The following PIK3CD variants were observed in gnomAD, a reference collection of about 807,000 sequenced individuals.
PIK3CD encodes phosphatidylinositol-4,5-bisphosphate 3-kinase catalytic subunit delta, also known as phosphatidylinositol 4,5-bisphosphate 3-kinase catalytic subunit delta isoform.
A neutral mutation model predicts 122.9 loss-of-function variants in PIK3CD; 20 were observed. The observed-to-expected ratio is 0.16, with a 90% CI of 0.11 to 0.24. The LOEUF (loss-of-function observed/expected upper bound fraction) is 0.24, where lower values mean the gene tolerates loss of function less well. Among genes scored for constraint, PIK3CD ranks in the 10% least tolerant of loss-of-function variants. The probability of loss-of-function intolerance (pLI) is 1.00; values close to 1 mark genes in which losing one functional copy is unlikely to be tolerated. For missense variants in PIK3CD, 787 were observed against 1,406.3 expected, an observed-to-expected ratio of 0.56 and a Z score of 7.04; for synonymous variants, 596 against 593.4, an observed-to-expected ratio of 1.00 and a Z score of -0.06.
chr1:9,722,271 C>T lies in PIK3CD; in HGVS notation c.2262C>T (p.Ser754=). The part of the protein sequence containing the change: ...VCVEQCTFMD[S]KMKPLWIMYS... ...TGGAGCAGTGCACCTTCATGGACTCCAAGATGAAGCCCCTGTGGATCATGT... is the reference window on the plus strand; with the variant it reads ...TGGAGCAGTGCACCTTCATGGACTCTAAGATGAAGCCCCTGTGGATCATGT... The change falls in exon 18 of 24, where the codon TCC becomes TCT. Residue 754 remains serine, a synonymous_variant. Transcript: ENST00000377346. The surrounding 1 kb of genome is among the most constrained non-coding windows in gnomAD (Gnocchi z 7.6). 1.2e-6 allele frequency: 2 copies of T among 1,613,604 alleles called. No individual in the cohort carries two copies. The highest frequency in any genetic ancestry group is 1.1e-5 in the South Asian group (1 of 91,054).
intron 13 of PIK3CD, 104 bp from the exon 14 acceptor site, chr1:9,721,023 A>G (rs576636304): frequency 7.1e-7 from 1 of 1,405,930 alleles, no homozygotes; most frequent in East Asian, 2.5e-5. Flanking sequence ...CTTCACCCTG[A>G]CCCTGGCCAC....
Position 9,723,359 on chromosome 1 carries a change from C to T in PIK3CD, c.2594+67C>T. ...GAGGTGTGGAGTGGGAGGGCCTCGCCTGTCAGAACAAAGGAGCGGGGAGGG... is the reference window on the plus strand; with the variant it reads ...GAGGTGTGGAGTGGGAGGGCCTCGCTTGTCAGAACAAAGGAGCGGGGAGGG... On this transcript the variant is annotated intron_variant, in intron 20 of 23. Transcript: ENST00000377346. The surrounding 1 kb of genome is among the most constrained non-coding windows in gnomAD (Gnocchi z 4.9). 6.5e-7 allele frequency: 1 copy of T among 1,538,400 alleles called. No homozygotes were observed. The highest frequency in any genetic ancestry group is 9.0e-7 in the Non-Finnish European group (1 of 1,111,814).
intron 2 of PIK3CD, among the ~76,000 whole-genome samples, chr1:9,703,317 CA>C (rs1434178390): frequency 1.3e-5 from 2 of 152,214 alleles, no homozygotes; most frequent in Non-Finnish European, 2.9e-5. Context: ...ATGGCCTGGG[CA>C]AACTCAGGCC....
intron 2 of PIK3CD, among the ~76,000 whole-genome samples, chr1:9,695,116 T>C (rs1369141575): frequency 6.6e-6 from 1 of 151,948 alleles, no homozygotes; most frequent in African/African-American, 2.4e-5. Context: ...CTGTTAGGTA[T>C]TAAGATAGCA....
the PIK3CD span, among the ~76,000 whole-genome samples, chr1:9,641,546 G>T: frequency 9.9e-5 from 15 of 152,132 alleles, no homozygotes; most frequent in Admixed American, 2.0e-4. Flanking sequence ...TTTACAGAAA[G>T]AATTTCTGGG....
the PIK3CD span, among the ~76,000 whole-genome samples, chr1:9,643,473 AAGGG>A: frequency 1.4e-3 from 143 of 102,932 alleles, 1 homozygote; most frequent in East Asian, 2.7e-3. Flanking sequence ...GGAGGGAAGG[AAGGG>A]AGGGAGGGAG....
chr1:9,721,660 T>C (rs1212073661), intron 15 of PIK3CD, 73 bp downstream of exon 15: 18 of 1,608,136 alleles, frequency 1.1e-5, no homozygotes, highest in Admixed American at 1.7e-5. Flanking sequence ...ACTGGGGACG[T>C]TTCCAGCAGG....
intron 1 of PIK3CD, among the ~76,000 whole-genome samples, chr1:9,656,087 A>G (rs534434458): frequency 1.3e-5 from 2 of 152,018 alleles, no homozygotes; most frequent in Admixed American, 1.3e-4. Flanking sequence ...TGTTTCACTC[A>G]TATTGGGGGA....
chr1:9,646,344 C>T, the PIK3CD span, among the ~76,000 whole-genome samples: 2 of 152,158 alleles, frequency 1.3e-5, no homozygotes, highest in African/African-American at 4.8e-5. Context: ...GACAGATTCA[C>T]GTGAAAACCA....
the PIK3CD span, among the ~76,000 whole-genome samples, chr1:9,644,867 T>G: frequency 0.28 from 42,049 of 151,906 alleles, 6,968 homozygotes; most frequent in East Asian, 0.66. Context: ...GGGAAATACT[T>G]TGGCCCCATT....
rs564369017 is a variant in PIK3CD, at chr1:9,700,618, G to A, written c.-33+9047G>A. Among the ~76,000 whole-genome samples the A allele has an allele frequency of 8.5e-5, 13 of 152,066 alleles. No homozygotes were observed. The highest frequency in any genetic ancestry group is 1.6e-4 in the Non-Finnish European group (11 of 68,002). ...CAGCTCCCCGCTCTGTGTCTAGGCC[G>A]TCTCACCTGCCCCTCCCCGGCTCCA... is the stretch of plus-strand genomic sequence containing the variant. On this transcript the variant is annotated intron_variant, in intron 2 of 23. Coordinates refer to ENST00000377346, the MANE Select transcript of PIK3CD (RefSeq NM_005026.5). The surrounding 1 kb of genome is among the most constrained non-coding windows in gnomAD (Gnocchi z 5.1).
rs780161814 is a variant in PIK3CD, at chr1:9,717,516, C to T, written c.931-21C>T. The T allele has an allele frequency of 6.2e-7, 1 of 1,611,142 alleles. No individual in the cohort carries two copies. Among genetic ancestry groups the T allele is most frequent in the Non-Finnish European group, 8.5e-7 (1 of 1,177,546 alleles). On this transcript the variant is annotated intron_variant, in intron 7 of 23. Transcript: ENST00000377346. This position sits in a 1 kb window ranked among gnomAD's most constrained non-coding sequence, Gnocchi z 5.4. ...GCTGCACTTTGAGCCGTGTTAACAG[C>T]CCTGCTTCCCCGGCCCCCAGCCTTC... is the stretch of plus-strand genomic sequence containing the variant.
At chr1:9,694,972 A>AAGAG (rs113822530) in intron 2 of PIK3CD, among the ~76,000 whole-genome samples, 4,249 of 150,818 alleles carry the variant, frequency 0.028, 182 homozygotes, top group African/African-American at 0.096. Flanking sequence ...AAAAACAAAA[A>AAGAG]AGAGAGAGAG....
Position 9,724,050 on chromosome 1 carries a change from C to T in PIK3CD, c.2676C>T (p.Gly892=), listed in dbSNP as rs139941605. Residue 892 remains glycine (G), a synonymous_variant, in exon 21 of 24, where the codon GGC becomes GGT. Transcript: ENST00000377346. This position sits in a 1 kb window ranked among gnomAD's most constrained non-coding sequence, Gnocchi z 7.3. ...TGGCCACATATGTGCTGGGCATTGG[C>T]GATCGGCACAGCGACAACATCATGA... ...YCVATYVLGI[G]DRHSDNIMIR... The T allele has an allele frequency of 3.0e-5, 48 of 1,614,168 alleles. No individual in the cohort carries two copies. Among genetic ancestry groups the T allele is most frequent in the African/African-American group, 2.7e-4 (20 of 75,042 alleles).
chr1:9,669,563 C>T (rs952728973), intron 1 of PIK3CD, among the ~76,000 whole-genome samples: 6 of 152,096 alleles, frequency 3.9e-5, no homozygotes, highest in Admixed American at 1.3e-4. Context: ...TGGGCTCAAG[C>T]GATCTTCCTG....
At chr1:9,645,926 AT>A in the PIK3CD span, among the ~76,000 whole-genome samples, 1 of 150,674 alleles carries the variant, frequency 6.6e-6, no homozygotes, top group Non-Finnish European at 1.5e-5. Flanking sequence ...TTTATTTTTT[AT>A]TTTTTTATTT....
chr1:9,654,034 G>A, intron 1 of PIK3CD: 1 of 1,268,572 alleles, frequency 7.9e-7, no homozygotes, highest in South Asian at 1.2e-5. Context: ...CAGTGCCACT[G>A]CGCTCCAGCC....
chr1:9,682,422 G>A lies in PIK3CD; in HGVS notation c.-137-9045G>A, dbSNP rs116623999. Among the ~76,000 whole-genome samples, 1,443 of 152,172 alleles carry A rather than the reference G, an allele frequency of 9.5e-3. 17 individuals carry two copies. The highest frequency in any genetic ancestry group is 0.032 in the African/African-American group (1,324 of 41,534). On this transcript the variant is annotated intron_variant, in intron 1 of 23. Transcript: ENST00000377346. ...TGGCTAATTTTTGGTATTTTTAGGA[G>A]AGACGAAGTTTAACCATGTTGGCCA... is the stretch of plus-strand genomic sequence containing the variant.
intron 1 of PIK3CD, among the ~76,000 whole-genome samples, chr1:9,670,850 C>G (rs1202077098): frequency 6.7e-6 from 1 of 150,054 alleles, no homozygotes; most frequent in East Asian, 2.0e-4. Flanking sequence ...CTCCACCTTC[C>G]TGGTTCAAGC....
Sources: allele counts gnomAD v4.1 joint callset (sites outside exome capture counted in the v4.1 genomes callset), GRCh38; gene constraint gnomAD v4.1.1; non-coding constraint Gnocchi (gnomAD v3.1); transcripts MANE v1.5; gene names NCBI Gene and HGNC (gene_info 2026-07-23, HGNC 2026-07-21).